NBAS: variants seen among roughly 807,000 people sequenced by gnomAD.
NBAS encodes the protein NAG/BC035112 fusion.
NBAS carries 219 observed loss-of-function variants against 302.5 expected under a neutral mutation model. The observed-to-expected ratio is 0.72, with a 90% CI of 0.65 to 0.81. The LOEUF is 0.81. Among genes scored for constraint, NBAS ranks in the 30% least tolerant of loss-of-function variants. The pLI is 0.00. For missense variants in NBAS, 2,932 were observed against 2,841.6 expected (o/e 1.03, Z -0.72); for synonymous variants, 1,118 against 1,021.6 (o/e 1.09, Z -1.80).
At chr2:14,876,032 T>C in the NBAS span, among the ~76,000 whole-genome samples, 1 of 152,232 alleles carries the variant, frequency 6.6e-6, no homozygotes, top group African/African-American at 2.4e-5. Flanking sequence ...TTAATGGGGA[T>C]GTGATGGAGA....
intron 44 of NBAS, among the ~76,000 whole-genome samples, chr2:15,242,875 A>C (rs1288868454): frequency 6.6e-6 from 1 of 152,160 alleles, no homozygotes; most frequent in African/African-American, 2.4e-5. Context: ...TCAGTTAATA[A>C]ATAGGTACTA....
intron 6 of NBAS, among the ~76,000 whole-genome samples, chr2:15,549,848 T>C (rs1032264079): frequency 3.3e-5 from 5 of 151,700 alleles, no homozygotes; most frequent in Non-Finnish European, 5.9e-5. Flanking sequence ...AGTACAGTCA[T>C]TATCTGTTAT....
chr2:15,251,576 G>T (rs1668367119), intron 44 of NBAS, among the ~76,000 whole-genome samples: 1 of 152,100 alleles, frequency 6.6e-6, no homozygotes, highest in Admixed American at 6.5e-5. Context: ...CATTTTAATG[G>T]TTATTTCTTG....
intron 11 of NBAS, among the ~76,000 whole-genome samples, chr2:15,498,996 T>C (rs1681179347): frequency 6.6e-6 from 1 of 151,688 alleles, no homozygotes; most frequent in Middle Eastern, 3.2e-3. Context: ...GGCGCGATTC[T>C]TGGCTCACTG....
chr2:15,212,953 T>A (rs1445700721), intron 48 of NBAS, among the ~76,000 whole-genome samples: 1 of 152,190 alleles, frequency 6.6e-6, no homozygotes, highest in East Asian at 1.9e-4. Context: ...TCTAAACCTT[T>A]AGGGTATCTA....
the NBAS span, among the ~76,000 whole-genome samples, chr2:14,869,043 C>A: frequency 6.6e-6 from 1 of 152,084 alleles, no homozygotes; most frequent in Non-Finnish European, 1.5e-5. Flanking sequence ...CAACTCACAG[C>A]TAAAGAAATA....
the NBAS span, among the ~76,000 whole-genome samples, chr2:14,828,323 T>C: frequency 2.6e-5 from 4 of 152,124 alleles, no homozygotes; most frequent in Non-Finnish European, 5.9e-5. Flanking sequence ...GGTCTTTCCA[T>C]GGAAGGGGCA....
At chr2:15,237,560 ATATTTATTTATTTATTTATT>A (rs35617829) in intron 45 of NBAS, among the ~76,000 whole-genome samples, 6,398 of 139,916 alleles carry the variant, frequency 0.046, 182 homozygotes, top group Middle Eastern at 0.076. Flanking sequence ...GAAAATCAAA[ATATTTATTTATTTATTTATT>A]TATTTATTTA....
the NBAS span, among the ~76,000 whole-genome samples, chr2:14,809,912 G>T: frequency 2.0e-5 from 3 of 152,190 alleles, no homozygotes; most frequent in Admixed American, 2.0e-4. Flanking sequence ...TGTGAGACAC[G>T]GAGCCAAACG....
intron 21 of NBAS, among the ~76,000 whole-genome samples, chr2:15,436,041 A>G (rs1677997370): frequency 6.6e-6 from 1 of 152,206 alleles, no homozygotes; most frequent in African/African-American, 2.4e-5. Flanking sequence ...ATAAATTTCC[A>G]GATAAACAAT....
the NBAS span, among the ~76,000 whole-genome samples, chr2:14,905,026 G>A: frequency 6.6e-6 from 1 of 152,170 alleles, no homozygotes; most frequent in Non-Finnish European, 1.5e-5. Flanking sequence ...CAGCCTGGGC[G>A]ACAGAGTGAG....
intron 2 of NBAS, among the ~76,000 whole-genome samples, chr2:15,557,877 T>C (rs893144073): frequency 2.0e-5 from 3 of 152,208 alleles, no homozygotes; most frequent in African/African-American, 4.8e-5. Context: ...CAGACTCTTG[T>C]TAGTTCATAC....
intron 35 of NBAS, among the ~76,000 whole-genome samples, chr2:15,334,018 C>T (rs1672468327): frequency 6.6e-6 from 1 of 151,964 alleles, no homozygotes; most frequent in South Asian, 2.1e-4. Flanking sequence ...ACTATATGTC[C>T]AGGACTGAGC....
At position 15,308,259 on chromosome 2, in the gene NBAS, C is replaced by T. The variant is rs545499539; in HGVS notation, c.4754G>A (p.Arg1585Gln). 1.4e-5 allele frequency: 23 copies of T among 1,614,164 alleles called. No individual in the cohort carries two copies. In the East Asian group the frequency reaches 1.8e-4, roughly 13 times the overall value. Residue 1585 changes from arginine to glutamine, a missense_variant, in exon 40 of 52, where the codon CGA (arginine) becomes CAA (glutamine). By Grantham distance (43) the Arg-to-Gln change is conservative (BLOSUM62 1). Coordinates refer to ENST00000281513, the MANE Select transcript of NBAS (RefSeq NM_015909.4). ...AYYYSLQIYA[R>Q]LAPCFRDKCH... ...CTTGTCCCTGAAACATGGGGCCAAT[C>T]GGGCATAGATCTGGAGGCTATAGTA...
the NBAS span, among the ~76,000 whole-genome samples, chr2:15,010,497 G>C: frequency 6.6e-6 from 1 of 152,040 alleles, no homozygotes; most frequent in African/African-American, 2.4e-5. Flanking sequence ...TACCTTACCT[G>C]GTAGCTGAAA....
the NBAS span, among the ~76,000 whole-genome samples, chr2:15,067,403 GGGAGGGGAGGGGAGAGGAGGGGAGA>G: frequency 8.9e-5 from 6 of 67,044 alleles, no homozygotes; most frequent in East Asian, 6.2e-4. Context: ...GGGAGGGGAG[GGGAGGGGAGGGGAGAGGAGGGGAGA>G]GGAGGGGAGA....
intron 6 of NBAS, among the ~76,000 whole-genome samples, chr2:15,544,558 T>C (rs1177124228): frequency 6.6e-6 from 1 of 152,138 alleles, no homozygotes; most frequent in Non-Finnish European, 1.5e-5. Context: ...TAAAGCAGGA[T>C]AAACTCAAAA....
intron 48 of NBAS, among the ~76,000 whole-genome samples, chr2:15,194,318 A>G (rs1336448417): frequency 6.6e-6 from 1 of 152,128 alleles, no homozygotes; most frequent in East Asian, 1.9e-4. Flanking sequence ...AGACAGAACA[A>G]CGTTACCTAT....
chr2:15,160,806 G>A, the NBAS span, among the ~76,000 whole-genome samples: 1 of 152,228 alleles, frequency 6.6e-6, no homozygotes, highest in South Asian at 2.1e-4. Flanking sequence ...TCTACCAACT[G>A]GGTGAGGTCA....
Sources: gnomAD v4.1 joint callset for allele counts (sites outside exome capture counted in the v4.1 genomes callset) on GRCh38, gnomAD v4.1.1 for gene constraint, MANE v1.5 for transcripts, NCBI Gene and HGNC (gene_info 2026-07-23, HGNC 2026-07-21) for gene names.